Variants in INSR observed in about 807,000 individuals in gnomAD.
INSR encodes the protein insulin receptor.
A neutral mutation model predicts 142.6 loss-of-function variants in INSR; 67 were observed. The ratio of observed to expected loss-of-function variants is 0.47; its 90% confidence interval spans 0.39 to 0.58. INSR has a LOEUF of 0.58. Among genes scored for constraint, INSR ranks in the 20% least tolerant of loss-of-function variants. The pLI is 0.00. For missense variants in INSR, 1,248 were observed against 1,833.2 expected, an observed-to-expected ratio of 0.68 and a Z score of 5.83; for synonymous variants, 756 against 743.1, an observed-to-expected ratio of 1.02 and a Z score of -0.28.
intron 2 of INSR, among the ~76,000 whole-genome samples, chr19:7,226,108 T>C (rs1178456913): frequency 1.3e-5 from 2 of 152,104 alleles, no homozygotes; most frequent in African/African-American, 4.8e-5. Flanking sequence ...AAAGGAAAAT[T>C]AAAAATGTCT....
At chr19:7,270,447 A>G (rs1967888039) in intron 1 of INSR, among the ~76,000 whole-genome samples, 1 of 152,024 alleles carries the variant, frequency 6.6e-6, no homozygotes, top group Non-Finnish European at 1.5e-5. Flanking sequence ...TCAGACATGA[A>G]TATGCATTCA....
At chr19:7,230,933 ACTAT>A (rs1975953482) in intron 2 of INSR, among the ~76,000 whole-genome samples, 1 of 152,188 alleles carries the variant, frequency 6.6e-6, no homozygotes, top group Non-Finnish European at 1.5e-5. Context: ...CAGAAGAGAG[ACTAT>A]CTAGGGACAG....
intron 4 of INSR, among the ~76,000 whole-genome samples, chr19:7,173,992 C>T (rs1375763274): frequency 2.0e-5 from 3 of 151,750 alleles, no homozygotes; most frequent in East Asian, 1.9e-4. Context: ...TTAAAAACGA[C>T]GATTCCAAAG....
chr19:7,186,984 T>C (rs1012639930), intron 2 of INSR, among the ~76,000 whole-genome samples: 1 of 152,016 alleles, frequency 6.6e-6, no homozygotes, highest in African/African-American at 2.4e-5. Context: ...ATTACAGGTG[T>C]GAGCCACTGC....
chr19:7,287,637 CG>C (rs1296123034), intron 1 of INSR, among the ~76,000 whole-genome samples: 3 of 152,164 alleles, frequency 2.0e-5, no homozygotes, highest in African/African-American at 7.2e-5. Flanking sequence ...GGCAACATCA[CG>C]GTGATTTTTC....
intron 15 of INSR, 135 bp downstream of exon 15, chr19:7,128,706 ATGACAATTATC>A (rs1972704559): frequency 4.6e-6 from 3 of 655,702 alleles, no homozygotes; most frequent in Non-Finnish European, 8.3e-6. Context: ...ATATCATATT[ATGACAATTATC>A]TGTAAATTGC....
At chr19:7,135,987 T>G (rs1237828924) in intron 13 of INSR, among the ~76,000 whole-genome samples, 1 of 131,412 alleles carries the variant, frequency 7.6e-6, no homozygotes, top group Non-Finnish European at 1.5e-5. Context: ...AAAGAAAGAA[T>G]GAAAGAAATG....
chr19:7,177,136 G>A (rs1382665606), intron 3 of INSR, among the ~76,000 whole-genome samples: 1 of 152,170 alleles, frequency 6.6e-6, no homozygotes, highest in African/African-American at 2.4e-5. Context: ...TCAGTTCTTG[G>A]TTGCCAAAGC....
At chr19:7,163,300 G>A (rs374644796) in intron 8 of INSR, 101 bp from the exon 9 acceptor site, 7 of 1,203,272 alleles carry the variant, frequency 5.8e-6, no homozygotes, top group African/African-American at 3.0e-5. Context: ...CATCATGAGG[G>A]CACCCATCCC....
intron 18 of INSR, 26 bp from the exon 19 acceptor site, chr19:7,122,799 T>A (rs747377285): frequency 6.2e-7 from 1 of 1,614,082 alleles, no homozygotes. Flanking sequence ...GGGGTTGGTG[T>A]TTCAGCAGCA....
In INSR at chr19:7,195,927, C is replaced by CTT. The variant is rs766101939; in HGVS notation, c.653-11292_653-11291dup. On this transcript the variant is annotated intron_variant, in intron 2 of 21. Coordinates refer to ENST00000302850, the MANE Select transcript of INSR (RefSeq NM_000208.4). ...TATGTAAGAGAACTTTCTTTCTTTTCTTTCTTTTTTTTTTTTTTTTTGTTT... is the reference window on the plus strand; with the variant it reads ...TATGTAAGAGAACTTTCTTTCTTTTCTTTTTCTTTTTTTTTTTTTTTTTGTTT... Among the ~76,000 whole-genome samples, 10 of 99,810 alleles carry CTT rather than the reference C, an allele frequency of 1.0e-4. 1 individual carries two copies. Among genetic ancestry groups the CTT allele is most frequent in the East Asian group, 5.4e-4 (1 of 1,854 alleles). The allele number at this position is 99,810 out of a possible 152,430, so 65.5% of individuals were successfully genotyped here.
In INSR at chr19:7,281,229, G is replaced by A. The variant is rs116354855; in HGVS notation, c.100+12563C>T. Among the ~76,000 whole-genome samples the A allele has an allele frequency of 2.4e-3, 365 of 152,280 alleles. 1 individual carries two copies. The highest frequency in any genetic ancestry group is 8.3e-3 in the African/African-American group (344 of 41,572). ...CTTTGTAACAGGTGGTATGGAGACC[G>A]TGTAACTGGGTATAATTAGGAGGGA... is the stretch of plus-strand genomic sequence containing the variant. On this transcript the variant is annotated intron_variant, in intron 1 of 21. Transcript: ENST00000302850.
intron 2 of INSR, among the ~76,000 whole-genome samples, chr19:7,191,167 G>A (rs1974574849): frequency 6.6e-6 from 1 of 151,980 alleles, no homozygotes; most frequent in African/African-American, 2.4e-5. Flanking sequence ...CGTGGTGGCA[G>A]GTGCCTGTAA....
At chr19:7,207,938 A>AAGGAAGGAAGGG (rs1600018281) in intron 2 of INSR, among the ~76,000 whole-genome samples, 1 of 123,824 alleles carries the variant, frequency 8.1e-6, no homozygotes. Context: ...GGAAGGAAGG[A>AAGGAAGGAAGGG]AGGGAAGGAG....
chr19:7,249,099 T>C lies in INSR; in HGVS notation c.652+18246A>G, dbSNP rs1029532852. Reference sequence around the variant, plus strand: ...GAAGCCATCCTTTCAAAACTAAAAGTCTGTGAAGAATTACACTTTCCTCTG... The same window carrying C: ...GAAGCCATCCTTTCAAAACTAAAAGCCTGTGAAGAATTACACTTTCCTCTG... On this transcript the variant is annotated intron_variant, in intron 2 of 21. Coordinates refer to ENST00000302850, the MANE Select transcript of INSR (RefSeq NM_000208.4). Among the ~76,000 whole-genome samples the C allele has an allele frequency of 3.9e-5, 6 of 152,214 alleles. No individual in the cohort carries two copies. The East Asian group carries it at 1.2e-3, about 29-fold the overall frequency.
intron 2 of INSR, among the ~76,000 whole-genome samples, chr19:7,251,777 A>T (rs1445107861): frequency 6.6e-6 from 1 of 152,040 alleles, no homozygotes; most frequent in Non-Finnish European, 1.5e-5. Context: ...TAGGGATTAT[A>T]TGAGTGTTGA....
chr19:7,262,098 A>G (rs1373901859), intron 2 of INSR, among the ~76,000 whole-genome samples: 1 of 152,192 alleles, frequency 6.6e-6, no homozygotes, highest in Non-Finnish European at 1.5e-5. Flanking sequence ...TCTCCAGCCC[A>G]TTTCTGTCAC....
At chr19:7,270,837 G>A (rs1199443871) in intron 1 of INSR, among the ~76,000 whole-genome samples, 3 of 152,062 alleles carry the variant, frequency 2.0e-5, no homozygotes, top group Non-Finnish European at 4.4e-5. Context: ...AAGATGGGCT[G>A]ATCACGAGGT....
chr19:7,173,316 G>T (rs1974061006), intron 4 of INSR, among the ~76,000 whole-genome samples: 1 of 152,008 alleles, frequency 6.6e-6, no homozygotes, highest in Non-Finnish European at 1.5e-5. Flanking sequence ...GCCTGACATG[G>T]TATTTCTTTT....
Sources: allele counts gnomAD v4.1 joint callset (sites outside exome capture counted in the v4.1 genomes callset), GRCh38; gene constraint gnomAD v4.1.1; transcripts MANE v1.5; gene names NCBI Gene and HGNC (gene_info 2026-07-23, HGNC 2026-07-21).